The following SERPINI1 variants were observed in gnomAD, a reference collection of about 807,000 sequenced individuals.
SERPINI1 encodes serpin family I member 1.
A neutral mutation model predicts 41.1 loss-of-function variants in SERPINI1; 19 were observed. The ratio of observed to expected loss-of-function variants is 0.46; its 90% CI spans 0.32 to 0.68. SERPINI1 has a LOEUF of 0.68. Ranked by LOEUF, SERPINI1 falls within the 30% of genes least tolerant of loss-of-function variation. SERPINI1 has a pLI of 0.03. For missense variants in SERPINI1, 460 were observed against 479.2 expected, an observed-to-expected ratio of 0.96 and a Z score of 0.37; for synonymous variants, 138 against 156.6, an observed-to-expected ratio of 0.88 and a Z score of 0.89.
intron 1 of SERPINI1, among the ~76,000 whole-genome samples, chr3:167,747,677 A>G (rs956475524): frequency 3.3e-5 from 5 of 152,206 alleles, no homozygotes; most frequent in Non-Finnish European, 7.3e-5. Flanking sequence ...ACACTAGATT[A>G]TACACCTTAA....
At chr3:167,794,965 T>TTTCTTCTCCTTCTCC in intron 5 of SERPINI1, 141 bp downstream of exon 5, 1 of 692,924 alleles carries the variant, frequency 1.4e-6, no homozygotes, top group Non-Finnish European at 2.5e-6. Flanking sequence ...TCTCCTTCTC[T>TTTCTTCTCCTTCTCC]TTCTCCTTCT....
intron 5 of SERPINI1, among the ~76,000 whole-genome samples, chr3:167,801,199 T>A (rs1255707911): frequency 6.6e-6 from 1 of 152,258 alleles, no homozygotes; most frequent in Non-Finnish European, 1.5e-5. Flanking sequence ...CTTATATGTG[T>A]TATAGTCTCC....
intron 6 of SERPINI1, among the ~76,000 whole-genome samples, chr3:167,815,995 G>A (rs964504313): frequency 2.0e-5 from 3 of 152,086 alleles, no homozygotes; most frequent in Admixed American, 6.6e-5. Context: ...TTCTTGGAAC[G>A]TCTACTTTAG....
intron 1 of SERPINI1, among the ~76,000 whole-genome samples, chr3:167,767,536 A>AGATAGT (rs1451306778): frequency 6.6e-6 from 1 of 152,234 alleles, no homozygotes; most frequent in East Asian, 1.9e-4. Flanking sequence ...ATAGAGCCAT[A>AGATAGT]GATAGTGATT....
intron 6 of SERPINI1, among the ~76,000 whole-genome samples, chr3:167,817,034 G>T (rs1294707442): frequency 6.6e-6 from 1 of 152,016 alleles, no homozygotes; most frequent in African/African-American, 2.4e-5. Flanking sequence ...AAGGTGAGGT[G>T]AGAGGGAGAG....
intron 1 of SERPINI1, among the ~76,000 whole-genome samples, chr3:167,770,910 G>A (rs1202371228): frequency 6.6e-6 from 1 of 152,144 alleles, no homozygotes; most frequent in Non-Finnish European, 1.5e-5. Context: ...GGACCTTGCT[G>A]ATGTACCCTC....
chr3:167,780,712 T>C (rs1727096128), intron 1 of SERPINI1, among the ~76,000 whole-genome samples: 1 of 152,234 alleles, frequency 6.6e-6, no homozygotes, highest in Non-Finnish European at 1.5e-5. Context: ...GCAGTAAATT[T>C]ACATCCTGTG....
intron 1 of SERPINI1, among the ~76,000 whole-genome samples, chr3:167,762,434 T>C (rs765993514): frequency 6.6e-6 from 1 of 152,178 alleles, no homozygotes; most frequent in South Asian, 2.1e-4. Flanking sequence ...CAGCTACTGT[T>C]CTTCAAGAGT....
chr3:167,789,628 A>G (rs1311826551), intron 2 of SERPINI1, among the ~76,000 whole-genome samples: 1 of 152,242 alleles, frequency 6.6e-6, no homozygotes, highest in Non-Finnish European at 1.5e-5. Flanking sequence ...TGTGATCAAA[A>G]AAAGCAAACA....
In SERPINI1 at chr3:167,809,938, CA is replaced by C. The variant is rs10711396; in HGVS notation, c.979+2600del. ...AGATCACTTGATAAAAGATCTAAAG[CA>C]AACTTCCCAGTCTTTCAGTGGGAAT... is the stretch of plus-strand genomic sequence containing the variant. On this transcript the variant is annotated intron_variant, in intron 6 of 8. Transcript: ENST00000446050. Among the ~76,000 whole-genome samples, 694 of 152,224 alleles carry C rather than the reference CA, an allele frequency of 4.6e-3. 5 individuals carry two copies. Among genetic ancestry groups the C allele is most frequent in the African/African-American group, 0.016 (647 of 41,542 alleles).
At chr3:167,813,805 C>T (rs1024941063) in intron 6 of SERPINI1, among the ~76,000 whole-genome samples, 3 of 152,050 alleles carry the variant, frequency 2.0e-5, no homozygotes, top group Admixed American at 2.0e-4. Flanking sequence ...GGGTAGATAC[C>T]GAGTGGGTGA....
chr3:167,763,503 C>A (rs1046839874), intron 1 of SERPINI1, among the ~76,000 whole-genome samples: 18 of 152,012 alleles, frequency 1.2e-4, no homozygotes, highest in African/African-American at 4.4e-4. Flanking sequence ...CCTCAGCCTC[C>A]CAAGTAACTG....
chr3:167,764,402 AG>A (rs1726491375), intron 1 of SERPINI1, among the ~76,000 whole-genome samples: 4 of 150,854 alleles, frequency 2.7e-5, no homozygotes. Context: ...CAGCAGGCAG[AG>A]AGAGAGAGCT....
chr3:167,796,328 A>G (rs2133674), intron 5 of SERPINI1, among the ~76,000 whole-genome samples: 67,863 of 151,510 alleles, frequency 0.45, 16,087 homozygotes, highest in African/African-American at 0.61. Context: ...CTATAAATAT[A>G]TAGCCATATA....
chr3:167,763,536 C>T (rs374791368), intron 1 of SERPINI1, among the ~76,000 whole-genome samples: 5 of 152,110 alleles, frequency 3.3e-5, no homozygotes, highest in Admixed American at 6.5e-5. Flanking sequence ...TGCACCACCA[C>T]GCCCAGCTAA....
intron 5 of SERPINI1, among the ~76,000 whole-genome samples, chr3:167,806,855 T>TA (rs35823499): frequency 1.3e-4 from 19 of 148,704 alleles, no homozygotes; most frequent in East Asian, 1.2e-3. Flanking sequence ...ATCTCCAGCT[T>TA]AAAAAAAAAA....
intron 5 of SERPINI1, among the ~76,000 whole-genome samples, chr3:167,803,384 A>G (rs561382384): frequency 6.6e-6 from 1 of 152,246 alleles, no homozygotes; most frequent in South Asian, 2.1e-4. Flanking sequence ...AAATTACACC[A>G]ATTACTACTG....
At chr3:167,801,349 T>C (rs888212199) in intron 5 of SERPINI1, among the ~76,000 whole-genome samples, 49 of 152,372 alleles carry the variant, frequency 3.2e-4, no homozygotes, top group African/African-American at 1.1e-3. Context: ...AAAATAGGCA[T>C]GCCCTTTGGC....
chr3:167,805,991 C>A (rs1240066307), intron 5 of SERPINI1, among the ~76,000 whole-genome samples: 1 of 151,986 alleles, frequency 6.6e-6, no homozygotes, highest in East Asian at 1.9e-4. Flanking sequence ...CAAAGGATTA[C>A]AAATCATTAT....
Sources: gnomAD v4.1 joint callset for allele counts (sites outside exome capture counted in the v4.1 genomes callset) on GRCh38, gnomAD v4.1.1 for gene constraint, MANE v1.5 for transcripts, NCBI Gene and HGNC (gene_info 2026-07-23, HGNC 2026-07-21) for gene names.